The following PAPPA2 variants were observed in gnomAD, a reference collection of about 807,000 sequenced individuals.
PAPPA2 encodes pappalysin 2.
PAPPA2 carries 86 observed loss-of-function variants against 176.4 expected under a neutral mutation model. That is an observed-to-expected ratio of 0.49 (90% CI 0.41 to 0.58). The LOEUF is 0.58. PAPPA2 is among the 20% of genes least tolerant of loss of function. PAPPA2 has a pLI of 0.00. For missense variants in PAPPA2, 2,073 were observed against 2,256.9 expected (o/e 0.92, Z 1.65); for synonymous variants, 809 against 852.2 (o/e 0.95, Z 0.88).
chr1:176,722,419 CT>C (rs34221424), intron 12 of PAPPA2, among the ~76,000 whole-genome samples: 45,910 of 124,214 alleles, frequency 0.37, 5,781 homozygotes, highest in African/African-American at 0.51. Flanking sequence ...TATACATTTC[CT>C]TTTTTTTTTT....
intron 1 of PAPPA2, among the ~76,000 whole-genome samples, chr1:176,471,226 C>T (rs1426547521): frequency 6.6e-6 from 1 of 152,112 alleles, no homozygotes; most frequent in Non-Finnish European, 1.5e-5. Flanking sequence ...ATTTGAGGTG[C>T]TGCCACCGGA....
At chr1:176,503,249 C>A (rs751809593) in intron 1 of PAPPA2, among the ~76,000 whole-genome samples, 6 of 152,164 alleles carry the variant, frequency 3.9e-5, no homozygotes, top group Non-Finnish European at 8.8e-5. Context: ...TATTTCATCA[C>A]TCTGACAGTG....
intron 1 of PAPPA2, among the ~76,000 whole-genome samples, chr1:176,525,249 T>A (rs113851759): frequency 2.6e-5 from 4 of 152,316 alleles, no homozygotes; most frequent in African/African-American, 9.6e-5. Context: ...AATCAATCAC[T>A]CAGTTGAGCA....
At chr1:176,656,901 C>T (rs1019227243) in intron 3 of PAPPA2, among the ~76,000 whole-genome samples, 7 of 151,708 alleles carry the variant, frequency 4.6e-5, no homozygotes, top group Non-Finnish European at 1.0e-4. Context: ...CTTATAAGAA[C>T]ATTGGTCATT....
intron 21 of PAPPA2, among the ~76,000 whole-genome samples, chr1:176,813,354 G>A (rs1226563658): frequency 6.6e-6 from 1 of 152,154 alleles, no homozygotes; most frequent in East Asian, 1.9e-4. Context: ...AGGTCTTTGA[G>A]GAATTGCCAC....
At chr1:176,650,283 T>A (rs1334817620) in intron 3 of PAPPA2, among the ~76,000 whole-genome samples, 1 of 151,608 alleles carries the variant, frequency 6.6e-6, no homozygotes, top group Non-Finnish European at 1.5e-5. Context: ...TGTGTCTTTA[T>A]AAATAAATTG....
intron 19 of PAPPA2, 139 bp from the exon 20 acceptor site, chr1:176,793,421 G>A: frequency 1.5e-6 from 1 of 680,750 alleles, no homozygotes; most frequent in Non-Finnish European, 2.5e-6. Context: ...ATGAATATCA[G>A]CCCTGCCTAC....
At chr1:176,669,746 A>G (rs1426096512) in intron 3 of PAPPA2, among the ~76,000 whole-genome samples, 7 of 152,090 alleles carry the variant, frequency 4.6e-5, no homozygotes, top group Non-Finnish European at 7.4e-5. Context: ...TAAATAAACA[A>G]TCTTTGGGAT....
intron 2 of PAPPA2, among the ~76,000 whole-genome samples, chr1:176,580,345 C>A (rs1432475779): frequency 1.3e-5 from 2 of 152,152 alleles, no homozygotes; most frequent in Non-Finnish European, 2.9e-5. Flanking sequence ...GGATTTCATT[C>A]TTTTTTATGG....
intron 3 of PAPPA2, among the ~76,000 whole-genome samples, chr1:176,656,765 CCTCT>C (rs750068633): frequency 4.8e-5 from 7 of 147,164 alleles, no homozygotes; most frequent in Non-Finnish European, 7.5e-5. Flanking sequence ...CTGTAATCTC[CCTCT>C]CTCTCTCTCT....
At chr1:176,779,099 G>C (rs1461930270) in intron 17 of PAPPA2, among the ~76,000 whole-genome samples, 2 of 152,118 alleles carry the variant, frequency 1.3e-5, no homozygotes, top group African/African-American at 2.4e-5. Flanking sequence ...CCTCAAACTA[G>C]AGAGCATCAT....
intron 1 of PAPPA2, among the ~76,000 whole-genome samples, chr1:176,474,865 C>T (rs1340339744): frequency 6.6e-6 from 1 of 151,984 alleles, no homozygotes; most frequent in African/African-American, 2.4e-5. Flanking sequence ...GTCTTCAAGT[C>T]CCAGAAATTA....
chr1:176,481,027 A>G (rs1572952725), intron 1 of PAPPA2, among the ~76,000 whole-genome samples: 2 of 152,014 alleles, frequency 1.3e-5, no homozygotes, highest in African/African-American at 4.8e-5. Context: ...CCCTTGGCCT[A>G]CCTGCACCAC....
intron 1 of PAPPA2, among the ~76,000 whole-genome samples, chr1:176,508,178 G>T (rs1421348648): frequency 2.6e-5 from 4 of 152,108 alleles, no homozygotes; most frequent in African/African-American, 9.7e-5. Context: ...ACTCTTTAAA[G>T]AAAGACTACG....
At chr1:176,617,722 T>C (rs1243429401) in intron 3 of PAPPA2, among the ~76,000 whole-genome samples, 1 of 152,170 alleles carries the variant, frequency 6.6e-6, no homozygotes, top group Admixed American at 6.5e-5. Flanking sequence ...TCCATATTTT[T>C]GCAATTGCAA....
intron 2 of PAPPA2, among the ~76,000 whole-genome samples, chr1:176,579,145 G>A (rs1266240736): frequency 6.6e-6 from 1 of 152,154 alleles, no homozygotes; most frequent in Non-Finnish European, 1.5e-5. Context: ...TTCTAGTAAA[G>A]AAAGGGTGAG....
intron 1 of PAPPA2, among the ~76,000 whole-genome samples, chr1:176,536,856 T>C (rs1468117949): frequency 6.6e-6 from 1 of 152,032 alleles, no homozygotes; most frequent in Non-Finnish European, 1.5e-5. Flanking sequence ...ACAAATGGCA[T>C]TGGATATGTA....
chr1:176,535,828 G>A (rs1051841384), intron 1 of PAPPA2, among the ~76,000 whole-genome samples: 1 of 152,160 alleles, frequency 6.6e-6, no homozygotes, highest in Non-Finnish European at 1.5e-5. Flanking sequence ...ATGAGATATT[G>A]CACAAATAGT....
At chr1:176,602,335 A>AT (rs1654373273) in intron 3 of PAPPA2, among the ~76,000 whole-genome samples, 1 of 152,154 alleles carries the variant, frequency 6.6e-6, no homozygotes, top group African/African-American at 2.4e-5. Context: ...GGTGGCTGGG[A>AT]ATTGTCCTGA....
Sources: allele counts gnomAD v4.1 joint callset (sites outside exome capture counted in the v4.1 genomes callset), GRCh38; gene constraint gnomAD v4.1.1; transcripts MANE v1.5; gene names NCBI Gene and HGNC (gene_info 2026-07-23, HGNC 2026-07-21).